Variants in TCF4 observed in about 807,000 individuals in gnomAD.
TCF4 encodes the protein SL3-3 enhancer factor 2.
Under a neutral mutation model 82.1 loss-of-function variants are expected in TCF4, and 3 were observed. That is an observed-to-expected ratio of 0.04 (90% CI 0.02 to 0.09). The LOEUF is 0.09. Ranked by LOEUF, TCF4 falls within the 10% of genes least tolerant of loss-of-function variation. TCF4 has a pLI of 1.00. For missense variants in TCF4, 518 were observed against 852.7 expected (o/e 0.61, Z 4.89); for synonymous variants, 276 against 309.6 (o/e 0.89, Z 1.14).
chr18:55,407,332 T>C (rs764658182), intron 5 of TCF4, among the ~76,000 whole-genome samples: 3 of 152,142 alleles, frequency 2.0e-5, no homozygotes, highest in Non-Finnish European at 2.9e-5. Flanking sequence ...AGGGAACATG[T>C]AATACTATGT....
intron 3 of TCF4, among the ~76,000 whole-genome samples, chr18:55,580,976 C>T (rs1026618751): frequency 1.3e-5 from 2 of 151,994 alleles, no homozygotes; most frequent in African/African-American, 4.8e-5. Context: ...CAGCACACCT[C>T]TCTAACACAC....
Position 55,261,529 on chromosome 18 carries a change from A to G in TCF4, c.927T>C (p.Asn309=). 6.2e-7 allele frequency: 1 copy of G among 1,613,804 alleles called. No individual in the cohort carries two copies. Among genetic ancestry groups the G allele is most frequent in the Non-Finnish European group, 8.5e-7 (1 of 1,179,810 alleles). Residue 309 remains asparagine, a synonymous_variant, in exon 12 of 20, where the codon AAT becomes AAC. Coordinates refer to ENST00000354452, the MANE Select transcript of TCF4 (RefSeq NM_001083962.2). ...PANGTDSIMA[N]RGSGAAGSSQ... ...AGCTGCCGGCTGCCCCGCTTCCTCT[A>G]TTTGCTGCAAAAACAAAAGGCAGAA... is the stretch of plus-strand genomic sequence containing the variant.
upstream of TCF4, among the ~76,000 whole-genome samples, chr18:55,591,943 A>C (rs1603625057): frequency 6.6e-6 from 1 of 152,218 alleles, no homozygotes; most frequent in East Asian, 1.9e-4. Flanking sequence ...CTACAATCAG[A>C]AAACCAGGGA....
intron 6 of TCF4, among the ~76,000 whole-genome samples, chr18:55,384,540 A>G (rs939325863): frequency 2.0e-5 from 3 of 152,222 alleles, no homozygotes; most frequent in African/African-American, 7.2e-5. Flanking sequence ...CCCTGCAGCA[A>G]AATCACCCAA....
Position 55,457,361 on chromosome 18 carries a change from CAT to C in TCF4, c.304+3656_304+3657del, listed in dbSNP as rs574738676. On this transcript the variant is annotated intron_variant, in intron 5 of 19. Coordinates refer to ENST00000354452, the MANE Select transcript of TCF4 (RefSeq NM_001083962.2). Reference sequence around the variant, plus strand: ...TACATACATTGTGTGTATGGGTGTACATGTGTGTGCATGCATGTATAACCACA... The same window carrying C: ...TACATACATTGTGTGTATGGGTGTACGTGTGTGCATGCATGTATAACCACA... Among the ~76,000 whole-genome samples, 534 of 152,294 alleles carry C rather than the reference CAT, an allele frequency of 3.5e-3. 3 individuals are homozygous for C. Among genetic ancestry groups the C allele is most frequent in the African/African-American group, 0.012 (489 of 41,560 alleles).
intron 15 of TCF4, among the ~76,000 whole-genome samples, chr18:55,254,003 G>A (rs575365899): frequency 1.9e-4 from 29 of 152,326 alleles, no homozygotes; most frequent in African/African-American, 6.5e-4. Context: ...ACCCAACTGT[G>A]TAATGTGGTA....
Position 55,280,249 on chromosome 18 carries a change from A to G in TCF4, c.550-593T>C, listed in dbSNP as rs137965896. Among the ~76,000 whole-genome samples, 1,070 of 152,316 alleles carry G rather than the reference A, an allele frequency of 7.0e-3. 4 individuals are homozygous for G. Among genetic ancestry groups the G allele is most frequent in the Non-Finnish European group, 0.011 (737 of 68,022 alleles). On this transcript the variant is annotated intron_variant, in intron 8 of 19. Coordinates refer to ENST00000354452, the MANE Select transcript of TCF4 (RefSeq NM_001083962.2). The stretch of plus-strand genomic sequence containing the variant: ...GCCATTAAAAGCCTGGATCTACATA[A>G]GACCACCAACAATCAGTGTGTGCAT...
chr18:55,393,804 T>C (rs965874818), intron 6 of TCF4, among the ~76,000 whole-genome samples: 5 of 152,230 alleles, frequency 3.3e-5, no homozygotes, highest in African/African-American at 1.2e-4. Context: ...ATTTAGTGAT[T>C]TGTAATGTAA....
intron 2 of TCF4, among the ~76,000 whole-genome samples, chr18:55,602,734 T>C (rs2097698423): frequency 6.6e-6 from 1 of 152,238 alleles, no homozygotes; most frequent in Non-Finnish European, 1.5e-5. Flanking sequence ...TTGTCTATCT[T>C]AGTCTTAGAA....
intron 6 of TCF4, among the ~76,000 whole-genome samples, chr18:55,373,282 T>TAAAAAAAA (rs1348635017): frequency 3.3e-5 from 5 of 151,798 alleles, no homozygotes; most frequent in Non-Finnish European, 5.9e-5. Context: ...GGCAAAAATG[T>TAAAAAAAA]AAAAAAAGAA....
chr18:55,420,436 G>T (rs1332800340), intron 5 of TCF4, among the ~76,000 whole-genome samples: 1 of 152,048 alleles, frequency 6.6e-6, no homozygotes, highest in Non-Finnish European at 1.5e-5. Flanking sequence ...CTTCTAACCC[G>T]CTTTTGGAAA....
At chr18:55,588,204 C>T (rs1603624926), upstream of TCF4, 1 of 1,285,978 alleles carries the variant, frequency 7.8e-7, no homozygotes, top group Non-Finnish European at 9.8e-7. Flanking sequence ...GACACACAGC[C>T]AAGATCCCTG....
chr18:55,352,223 C>G (rs2082457328), intron 6 of TCF4, among the ~76,000 whole-genome samples: 1 of 152,170 alleles, frequency 6.6e-6, no homozygotes, highest in African/African-American at 2.4e-5. Flanking sequence ...TAAATTAAGA[C>G]AGTCTTTTTG....
intron 15 of TCF4, among the ~76,000 whole-genome samples, chr18:55,241,951 G>A (rs945188615): frequency 3.3e-5 from 5 of 152,182 alleles, no homozygotes; most frequent in Non-Finnish European, 7.3e-5. Flanking sequence ...GACCAATGCA[G>A]TTCCCTCCTA....
intron 5 of TCF4, among the ~76,000 whole-genome samples, chr18:55,429,927 C>G (rs8086206): frequency 0.087 from 13,201 of 152,108 alleles, 1,138 homozygotes; most frequent in African/African-American, 0.22. Context: ...CAGCTATTCA[C>G]AGACACGTAA....
intron 2 of TCF4, among the ~76,000 whole-genome samples, chr18:55,623,928 TA>T (rs1200702334): frequency 6.6e-6 from 1 of 152,182 alleles, no homozygotes; most frequent in Admixed American, 6.5e-5. Context: ...GATATTGCAA[TA>T]TCCTTTATTA....
intron 8 of TCF4, chr18:55,321,353 A>C: frequency 2.7e-6 from 1 of 364,506 alleles, no homozygotes; most frequent in East Asian, 4.9e-5. Context: ...AGAATTTTCC[A>C]AAACTCTTTA....
At chr18:55,248,965 G>A (rs1164513815) in intron 15 of TCF4, among the ~76,000 whole-genome samples, 3 of 152,116 alleles carry the variant, frequency 2.0e-5, no homozygotes, top group Non-Finnish European at 4.4e-5. Context: ...GGCTGGCCTC[G>A]AACTCCTGAC....
chr18:55,524,582 T>C (rs1442221158), intron 3 of TCF4, among the ~76,000 whole-genome samples: 1 of 152,196 alleles, frequency 6.6e-6, no homozygotes, highest in Non-Finnish European at 1.5e-5. Flanking sequence ...TAAGTAAATC[T>C]GATAAATCTG....
Sources: gnomAD v4.1 joint callset for allele counts (sites outside exome capture counted in the v4.1 genomes callset) on GRCh38, gnomAD v4.1.1 for gene constraint, MANE v1.5 for transcripts, NCBI Gene and HGNC (gene_info 2026-07-23, HGNC 2026-07-21) for gene names.